Variants in NDUFA2 observed in about 807,000 individuals in gnomAD.
The protein encoded by NDUFA2 is NADH:ubiquinone oxidoreductase subunit A2, also known as NADH dehydrogenase [ubiquinone] 1 alpha subcomplex subunit 2.
NDUFA2 carries 9 observed loss-of-function variants against 11.4 expected under a neutral mutation model. The ratio of observed to expected loss-of-function variants is 0.79; its 90% CI spans 0.48 to 1.38. The LOEUF is 1.38. NDUFA2 is among the 40% of genes most tolerant of loss of function. NDUFA2 has a pLI of 0.00. For missense variants in NDUFA2, 150 were observed against 131.2 expected, an observed-to-expected ratio of 1.14 and a Z score of -0.70; for synonymous variants, 49 against 54.0, an observed-to-expected ratio of 0.91 and a Z score of 0.41.
intron 2 of NDUFA2, 192 bp from the exon 3 acceptor site, chr5:140,645,870 A>G: frequency 1.8e-6 from 2 of 1,093,786 alleles, no homozygotes; most frequent in Admixed American, 2.2e-5. Context: ...CCCAAGTCCA[A>G]ATAGAATTTT....
intron 2 of NDUFA2, 52 bp downstream of exon 2, chr5:140,647,204 C>A: frequency 6.6e-7 from 1 of 1,512,662 alleles, no homozygotes; most frequent in South Asian, 1.3e-5. Context: ...CTTCTCTTCT[C>A]AAACCCTTGT....
In NDUFA2 at chr5:140,645,429, A is replaced by G; in HGVS notation, c.*158T>C. 1 of 963,710 alleles carries G rather than the reference A, an allele frequency of 1.0e-6. No homozygotes were observed. Among genetic ancestry groups the G allele is most frequent in the East Asian group, 2.6e-5 (1 of 38,650 alleles). 59.7% of individuals were successfully genotyped at this position (963,710 alleles called of 1,614,324 possible). ...AGCTACTTTGCCTCAGTGGTTGCAC[A>G]GTAAGGGGTAGAGGGTAGATGAGGA... On this transcript the variant is annotated 3_prime_UTR_variant, in exon 3 of 3. Transcript: ENST00000252102.
chr5:140,647,427 C>T, intron 1 of NDUFA2, 56 bp downstream of exon 1: 1 of 1,609,460 alleles, frequency 6.2e-7, no homozygotes. Flanking sequence ...TCAGGGAGGT[C>T]GAGGTCGTGA....
rs1257088153 is a variant in NDUFA2 at position 140,647,280 on chromosome 5, G to A, written c.184C>T (p.Gln62Ter). ...PILIRECSDV[Q>*]PKLWARYAFG... is the part of the protein sequence containing the mutation. ...CCGTAGCGGGCCCAGAGCTTGGGCT[G>A]CACATCGGAGCATTCGCGGATTAGG... The change falls in exon 2 of 3, where the codon CAG becomes TAG. Residue 62 changes from glutamine (Q) to a stop codon, truncating the protein, a stop_gained. Transcript: ENST00000252102. LOFTEE classifies it high-confidence loss of function. The A allele has an allele frequency of 2.6e-6, 4 of 1,564,994 alleles. No individual in the cohort carries two copies. Among genetic ancestry groups the A allele is most frequent in the Non-Finnish European group, 3.5e-6 (4 of 1,153,446 alleles).
chr5:140,647,591 AAT>A lies in NDUFA2; in HGVS notation c.-10_-9del. 1 of 1,608,930 alleles carries A rather than the reference AAT, an allele frequency of 6.2e-7. No homozygotes were observed. The highest frequency in any genetic ancestry group is 8.5e-7 in the Non-Finnish European group (1 of 1,179,748). ...TGCTGCGGCCGCCGCCATCCTTGTT[AAT>A]ATCGAAGTCGCCAATTCCAGGTCTT... On this transcript the variant is annotated 5_prime_UTR_variant, in exon 1 of 3. Transcript: ENST00000252102.
Position 140,646,200 on chromosome 5 carries a change from G to A in NDUFA2, c.209-522C>T, listed in dbSNP as rs572577092. On this transcript the variant is annotated intron_variant, in intron 2 of 2. Coordinates refer to ENST00000252102, the MANE Select transcript of NDUFA2 (RefSeq NM_002488.5). ...TAATTTTTGTATGTTTAGTAGAGACGGGGTTTTACCATGTTGGCCAGGCTG... is the reference window on the plus strand; with the variant it reads ...TAATTTTTGTATGTTTAGTAGAGACAGGGTTTTACCATGTTGGCCAGGCTG... Among the ~76,000 whole-genome samples, 15 of 152,006 alleles carry A rather than the reference G, an allele frequency of 9.9e-5. No individual in the cohort carries two copies. The East Asian group carries it at 2.5e-3, about 25-fold the overall frequency.
rs771218641 is a variant in NDUFA2, at chr5:140,645,443, G to A, written c.*144C>T. On this transcript the variant is annotated 3_prime_UTR_variant, in exon 3 of 3. Coordinates refer to ENST00000252102, the MANE Select transcript of NDUFA2 (RefSeq NM_002488.5). ...AGTGGTTGCACAGTAAGGGGTAGAG[G>A]GTAGATGAGGACAAGAACACCCTGA... 7 of 1,047,638 alleles carry A rather than the reference G, an allele frequency of 6.7e-6. No homozygotes were observed. The highest frequency in any genetic ancestry group is 5.4e-5 in the South Asian group (4 of 74,184). 64.9% of individuals were successfully genotyped at this position (1,047,638 alleles called of 1,614,324 possible).
At chr5:140,646,244 C>T (rs1757391417) in intron 2 of NDUFA2, among the ~76,000 whole-genome samples, 2 of 152,146 alleles carry the variant, frequency 1.3e-5, no homozygotes, top group South Asian at 4.1e-4. Flanking sequence ...CTCCTGACCT[C>T]AGGTGATCCA....
At chr5:140,646,954 T>G in intron 2 of NDUFA2, 1 of 295,144 alleles carries the variant, frequency 3.4e-6, no homozygotes, top group Non-Finnish European at 6.4e-6. Flanking sequence ...TGGCTACACG[T>G]TATTTGGAGA....
Position 140,645,372 on chromosome 5 carries a change from A to T in NDUFA2, c.*215T>A. On this transcript the variant is annotated 3_prime_UTR_variant, in exon 3 of 3. Coordinates refer to ENST00000252102, the MANE Select transcript of NDUFA2 (RefSeq NM_002488.5). ...TTGCTTCAGCAGCTGGTAGCTTTTG[A>T]TGAGACAGAATAAAGTTTTATTTTT... The T allele has an allele frequency of 1.3e-6, 1 of 780,134 alleles. No individual in the cohort carries two copies. The highest frequency in any genetic ancestry group is 2.2e-6 in the Non-Finnish European group (1 of 459,346). The allele number at this position is 780,134 out of a possible 1,614,324, so 48.3% of individuals were successfully genotyped here.
At chr5:140,645,726 C>A (rs1260615030) in intron 2 of NDUFA2, 48 bp from the exon 3 acceptor site, 1 of 1,613,530 alleles carries the variant, frequency 6.2e-7, no homozygotes, top group East Asian at 2.2e-5. Flanking sequence ...ACCCTGGAGG[C>A]TACCAAAGTA....
intron 2 of NDUFA2, among the ~76,000 whole-genome samples, chr5:140,646,211 A>G (rs1173104632): frequency 6.6e-6 from 1 of 152,020 alleles, no homozygotes; most frequent in East Asian, 1.9e-4. Flanking sequence ...GGGTTTTACC[A>G]TGTTGGCCAG....
At position 140,647,437 on chromosome 5, in the gene NDUFA2, ACCCTGGCGTC is replaced by A. The variant is rs1396045882; in HGVS notation, c.101+36_101+45del. The stretch of plus-strand genomic sequence containing the variant: ...CAACTTCAGGGAGGTCGAGGTCGTG[ACCCTGGCGTC>A]CCGAAGCCCGCCCGCCTCACCACGC... On this transcript the variant is annotated intron_variant, in intron 1 of 2. Transcript: ENST00000252102. The A allele has an allele frequency of 3.1e-6, 5 of 1,606,312 alleles. No individual in the cohort carries two copies. The African/African-American group carries it at 6.7e-5, about 22-fold the overall frequency.
At chr5:140,646,173 G>C (rs1277222043) in intron 2 of NDUFA2, among the ~76,000 whole-genome samples, 2 of 152,010 alleles carry the variant, frequency 1.3e-5, no homozygotes, top group Non-Finnish European at 2.9e-5. Flanking sequence ...ACCACACCCG[G>C]CTAATTTTTG....
In NDUFA2 at chr5:140,645,486, C is replaced by G. The variant is rs746433387; in HGVS notation, c.*101G>C. The G allele has an allele frequency of 1.0e-5, 15 of 1,471,080 alleles. No homozygotes were observed. The highest frequency in any genetic ancestry group is 1.8e-5 in the Admixed American group (1 of 55,144). The allele number at this position is 1,471,080 out of a possible 1,614,324, so 91.1% of individuals were successfully genotyped here. A position where few individuals can be genotyped will look rare whatever the true frequency, so the allele number is the denominator to read the frequency against. Reference sequence around the variant, plus strand: ...CACCCTGAGAAAGTATTTTACAGCACAAGCTTTATGAGGAATAGGAGAACA... The same window carrying G: ...CACCCTGAGAAAGTATTTTACAGCAGAAGCTTTATGAGGAATAGGAGAACA... On this transcript the variant is annotated 3_prime_UTR_variant, in exon 3 of 3. Coordinates refer to ENST00000252102, the MANE Select transcript of NDUFA2 (RefSeq NM_002488.5).
Position 140,645,661 on chromosome 5 carries a change from T to A in NDUFA2, c.226A>T (p.Asn76Tyr). 4 of 1,614,180 alleles carry A rather than the reference T, an allele frequency of 2.5e-6. No individual in the cohort carries two copies. The highest frequency in any genetic ancestry group is 3.4e-6 in the Non-Finnish European group (4 of 1,180,006). The change falls in exon 3 of 3, where the codon AAT (asparagine) becomes TAT (tyrosine). Residue 76 changes from asparagine (N) to tyrosine (Y), a missense_variant. Coordinates refer to ENST00000252102, the MANE Select transcript of NDUFA2 (RefSeq NM_002488.5). ...WARYAFGQET[N>Y]VPLNNFSADQ... ...GCACTGAAGTTGTTCAAAGGGACAT[T>A]CGTCTCTTGGCCAAATGCTGAAGAG...
intron 2 of NDUFA2, among the ~76,000 whole-genome samples, chr5:140,646,683 G>A (rs974734532): frequency 2.0e-5 from 3 of 152,162 alleles, no homozygotes; most frequent in Admixed American, 2.0e-4. Flanking sequence ...TCTTAGAGGG[G>A]TAAGTGCATT....
rs1057518631 is a variant in NDUFA2 at position 140,647,264 on chromosome 5, GC to G, written c.199del (p.Ala67ProfsTer13). 5.2e-6 allele frequency: 8 copies of G among 1,550,958 alleles called. No homozygotes were observed. The highest frequency in any genetic ancestry group is 5.2e-6 in the Non-Finnish European group (6 of 1,147,930). On this transcript the variant is annotated frameshift_variant, in exon 2 of 3. Transcript: ENST00000252102. LOFTEE classifies it high-confidence loss of function. ...TGGCGTCCCGCACTCACCGTAGCGG[GC>G]CCAGAGCTTGGGCTGCACATCGGAG... ...ECSDVQPKLW[A>X]RYAFGQETNV...
Position 140,645,443 on chromosome 5 carries a change from G to T in NDUFA2, c.*144C>A. 1 of 1,047,638 alleles carries T rather than the reference G, an allele frequency of 9.5e-7. No individual in the cohort carries two copies. Among genetic ancestry groups the T allele is most frequent in the Non-Finnish European group, 1.4e-6 (1 of 695,786 alleles). The allele number at this position is 1,047,638 out of a possible 1,614,324, so 64.9% of individuals were successfully genotyped here. ...AGTGGTTGCACAGTAAGGGGTAGAG[G>T]GTAGATGAGGACAAGAACACCCTGA... On this transcript the variant is annotated 3_prime_UTR_variant, in exon 3 of 3. Coordinates refer to ENST00000252102, the MANE Select transcript of NDUFA2 (RefSeq NM_002488.5).
Sources: gnomAD v4.1 joint callset for allele counts (sites outside exome capture counted in the v4.1 genomes callset) on GRCh38, gnomAD v4.1.1 for gene constraint, MANE v1.5 for transcripts, NCBI Gene and HGNC (gene_info 2026-07-23, HGNC 2026-07-21) for gene names.